NHSL1: variants seen among roughly 807,000 people sequenced by gnomAD.
NHSL1 encodes the protein NHS-like protein 1.
Under a neutral mutation model 95.0 loss-of-function variants are expected in NHSL1, and 48 were observed. That is an observed-to-expected ratio of 0.51 (90% confidence interval 0.40 to 0.64). The LOEUF is 0.64. Ranked by LOEUF, NHSL1 falls within the 30% of genes least tolerant of loss-of-function variation. The probability of loss-of-function intolerance (pLI) is 0.00; values close to 1 mark genes in which losing one functional copy is unlikely to be tolerated. For missense variants in NHSL1, 1,971 were observed against 2,077.7 expected, an observed-to-expected ratio of 0.95 and a Z score of 1.00; for synonymous variants, 783 against 833.9, an observed-to-expected ratio of 0.94 and a Z score of 1.05.
intron 1 of NHSL1, among the ~76,000 whole-genome samples, chr6:138,637,946 T>C (rs1030881491): frequency 1.3e-5 from 2 of 152,204 alleles, no homozygotes; most frequent in African/African-American, 4.8e-5. Flanking sequence ...GCACTGTCCA[T>C]AGTAGCCAAG....
At chr6:138,647,909 T>TAC (rs1785040509) in intron 1 of NHSL1, among the ~76,000 whole-genome samples, 1 of 152,206 alleles carries the variant, frequency 6.6e-6, no homozygotes, top group Admixed American at 6.5e-5. Context: ...CTAATTTTCT[T>TAC]ACACACATTT....
chr6:138,688,300 T>TTTAAAGAGAAAG (rs1562413735), intron 1 of NHSL1, among the ~76,000 whole-genome samples: 3,280 of 152,078 alleles, frequency 0.022, 119 homozygotes, highest in African/African-American at 0.075. Context: ...AAATTTTATT[T>TTTAAAGAGAAAG]CAACAAAACT....
intron 1 of NHSL1, among the ~76,000 whole-genome samples, chr6:138,528,783 T>C (rs1782015280): frequency 6.6e-6 from 1 of 152,132 alleles, no homozygotes; most frequent in African/African-American, 2.4e-5. Flanking sequence ...AAATGAATGG[T>C]TTTTAGAATT....
At position 138,659,170 on chromosome 6, in the gene NHSL1, C is replaced by A. The variant is rs148604119; in HGVS notation, c.96+33306G>T. ...GTTCAAGTGATTCTCCTGCCTTAGCCTCCTGAGACGCTGGGATTACAGGCA... is the reference window on the plus strand; with the variant it reads ...GTTCAAGTGATTCTCCTGCCTTAGCATCCTGAGACGCTGGGATTACAGGCA... On this transcript the variant is annotated intron_variant, in intron 1 of 3. Coordinates refer to the NHSL1 transcript ENST00000491526. Among the ~76,000 whole-genome samples the A allele has an allele frequency of 1.8e-3, 277 of 151,770 alleles. 3 individuals are homozygous for A. The highest frequency in any genetic ancestry group is 3.4e-3 in the Middle Eastern group (1 of 294).
intron 5 of NHSL1, among the ~76,000 whole-genome samples, chr6:138,437,518 C>G (rs1221768608): frequency 1.3e-5 from 2 of 148,750 alleles, no homozygotes; most frequent in Admixed American, 6.7e-5. Flanking sequence ...AGTTTTCATG[C>G]CTGTTAACAC....
intron 1 of NHSL1, among the ~76,000 whole-genome samples, chr6:138,585,594 A>G (rs774275500): frequency 6.6e-6 from 1 of 152,074 alleles, no homozygotes; most frequent in Non-Finnish European, 1.5e-5. Flanking sequence ...TCTCTCTCTT[A>G]TGTTCCATCC....
At chr6:138,557,396 G>A (rs1277094427) in intron 1 of NHSL1, among the ~76,000 whole-genome samples, 1 of 152,040 alleles carries the variant, frequency 6.6e-6, no homozygotes. Flanking sequence ...GCAATACACT[G>A]GGTTACCCAG....
intron 1 of NHSL1, among the ~76,000 whole-genome samples, chr6:138,553,783 T>C (rs1783096002): frequency 1.3e-5 from 2 of 152,350 alleles, no homozygotes; most frequent in South Asian, 2.1e-4. Context: ...GAAATCTTTA[T>C]AAACTATCAT....
upstream of NHSL1, among the ~76,000 whole-genome samples, chr6:138,575,703 T>G (rs919262523): frequency 1.3e-5 from 2 of 152,230 alleles, no homozygotes; most frequent in African/African-American, 4.8e-5. Flanking sequence ...TAATTAGATC[T>G]TAACTATGCA....
chr6:138,431,663 A>G lies in NHSL1; in HGVS notation c.2682T>C (p.Ser894=), dbSNP rs1775679756. Residue 894 remains serine, a synonymous_variant, in exon 6 of 8, where the codon TCT becomes TCC. Coordinates refer to ENST00000343505, the MANE Select transcript of NHSL1 (RefSeq NM_001144060.2). The surrounding 1 kb of genome is among the most constrained non-coding windows in gnomAD (Gnocchi z 4.0). ...KVPERKSSLI[S]SVSISSSSTS... Reference sequence around the variant, plus strand: ...TGGACGATGAGGAAATGGATACTGAAGATATCAGAGAGGACTTCCTTTCTG... The same window carrying G: ...TGGACGATGAGGAAATGGATACTGAGGATATCAGAGAGGACTTCCTTTCTG... 1 of 1,551,622 alleles carries G rather than the reference A, an allele frequency of 6.4e-7. No homozygotes were observed. The highest frequency in any genetic ancestry group is 1.2e-5 in the South Asian group (1 of 84,056).
At chr6:138,547,076 T>C (rs1782828131), upstream of NHSL1, among the ~76,000 whole-genome samples, 1 of 152,170 alleles carries the variant, frequency 6.6e-6, no homozygotes, top group African/African-American at 2.4e-5. Context: ...TGCAGGAAAC[T>C]GACTCACAGA....
At chr6:138,461,522 A>T (rs1362737348) in intron 3 of NHSL1, among the ~76,000 whole-genome samples, 1 of 152,234 alleles carries the variant, frequency 6.6e-6, no homozygotes, top group Non-Finnish European at 1.5e-5. Flanking sequence ...AAAGAATCAT[A>T]AACAATGTCA....
intron 1 of NHSL1, among the ~76,000 whole-genome samples, chr6:138,638,288 C>CT (rs1784914567): frequency 1.3e-5 from 2 of 152,062 alleles, no homozygotes; most frequent in South Asian, 4.1e-4. Context: ...TTTGACAGCA[C>CT]AACAGAGTGA....
chr6:138,530,067 G>A (rs1782072156), intron 1 of NHSL1, among the ~76,000 whole-genome samples: 1 of 152,154 alleles, frequency 6.6e-6, no homozygotes, highest in African/African-American at 2.4e-5. Context: ...TGGTCTGAAT[G>A]TTTGTCTCCC....
At chr6:138,656,512 ACCT>A (rs1227880624) in intron 1 of NHSL1, among the ~76,000 whole-genome samples, 1 of 152,194 alleles carries the variant, frequency 6.6e-6, no homozygotes, top group African/African-American at 2.4e-5. Flanking sequence ...GAAGATCAGC[ACCT>A]GTGAGCTGAA....
chr6:138,451,488 G>A (rs1013944505), intron 3 of NHSL1, among the ~76,000 whole-genome samples: 4 of 151,760 alleles, frequency 2.6e-5, no homozygotes, highest in Non-Finnish European at 4.4e-5. Context: ...TTGTCTCTCC[G>A]ACAAGAATAT....
chr6:138,436,013 A>G (rs1250739697), intron 5 of NHSL1, among the ~76,000 whole-genome samples: 1 of 152,120 alleles, frequency 6.6e-6, no homozygotes, highest in African/African-American at 2.4e-5. Flanking sequence ...TGACTGCTCC[A>G]CTGACCAGCT....
intron 2 of NHSL1, among the ~76,000 whole-genome samples, chr6:138,485,247 C>A (rs1779654076): frequency 6.6e-6 from 1 of 152,086 alleles, no homozygotes; most frequent in African/African-American, 2.4e-5. Context: ...TTTTATGCTG[C>A]CCTGAGTGAA....
intron 1 of NHSL1, among the ~76,000 whole-genome samples, chr6:138,648,326 T>G (rs570605083): frequency 1.3e-5 from 2 of 150,402 alleles, no homozygotes; most frequent in South Asian, 4.2e-4. Context: ...ATCATGGCTA[T>G]GTTTTAATAA....
Sources: gnomAD v4.1 joint callset for allele counts (sites outside exome capture counted in the v4.1 genomes callset) on GRCh38, gnomAD v4.1.1 for gene constraint, Gnocchi (gnomAD v3.1) non-coding constraint, MANE v1.5 for transcripts, NCBI Gene and HGNC (gene_info 2026-07-23, HGNC 2026-07-21) for gene names.